STK31: variants seen among roughly 807,000 people sequenced by gnomAD.
STK31 encodes serine/threonine kinase 31.
STK31 carries 89 observed loss-of-function variants against 129.7 expected under a neutral mutation model. That is an observed-to-expected ratio of 0.69 (90% CI 0.58 to 0.82). The LOEUF (loss-of-function observed/expected upper bound fraction) is 0.82. STK31 is among the 40% of genes least tolerant of loss of function. The pLI is 0.00. For missense variants in STK31, 1,187 were observed against 1,176.4 expected (o/e 1.01, Z -0.13); for synonymous variants, 448 against 395.3 (o/e 1.13, Z -1.58).
intron 20 of STK31, among the ~76,000 whole-genome samples, chr7:23,787,513 A>G (rs1321499165): frequency 3.3e-5 from 5 of 152,092 alleles, no homozygotes; most frequent in Admixed American, 6.5e-5. Flanking sequence ...AGCAAGCATT[A>G]CTGCCTGAGC....
chr7:23,714,687 G>A, intron 3 of STK31, among the ~76,000 whole-genome samples: 1 of 152,108 alleles, frequency 6.6e-6, no homozygotes, highest in East Asian at 1.9e-4. Flanking sequence ...GTGGGTATTG[G>A]CTATTGTATT....
At chr7:23,721,574 G>A (rs1016386544) in intron 4 of STK31, 23 of 924,764 alleles carry the variant, frequency 2.5e-5, no homozygotes, top group African/African-American at 9.8e-5. Flanking sequence ...AGCCCTTTGC[G>A]GAATCCCCTT....
At chr7:23,712,878 G>A (rs75435335) in intron 3 of STK31, among the ~76,000 whole-genome samples, 3,049 of 152,170 alleles carry the variant, frequency 0.02, 35 homozygotes, top group Non-Finnish European at 0.031. Flanking sequence ...CTAATTTTTG[G>A]TTTTGTAAAC....
At chr7:23,710,164 G>T, upstream of STK31, 1 of 1,558,704 alleles carries the variant, frequency 6.4e-7, no homozygotes, top group Non-Finnish European at 8.7e-7. Flanking sequence ...CGTGACTCCC[G>T]CTAACACCGG....
intron 22 of STK31, among the ~76,000 whole-genome samples, chr7:23,808,256 A>G (rs911224549): frequency 2.0e-5 from 3 of 151,630 alleles, no homozygotes; most frequent in Admixed American, 1.3e-4. Flanking sequence ...CTCTGCTGAC[A>G]TCACCCCAGC....
At chr7:23,731,153 G>A (rs2128076355) in intron 6 of STK31, among the ~76,000 whole-genome samples, 1 of 151,856 alleles carries the variant, frequency 6.6e-6, no homozygotes. Flanking sequence ...CAAAGTGCTG[G>A]GATTACAGGC....
At chr7:23,751,399 A>T (rs1788698859) in intron 8 of STK31, among the ~76,000 whole-genome samples, 1 of 152,126 alleles carries the variant, frequency 6.6e-6, no homozygotes, top group Non-Finnish European at 1.5e-5. Context: ...CTGATTTCTA[A>T]TTTAATTTTA....
At chr7:23,812,534 CTAGATT>C (rs1793206527) in intron 22 of STK31, among the ~76,000 whole-genome samples, 1 of 147,520 alleles carries the variant, frequency 6.8e-6, no homozygotes, top group Non-Finnish European at 1.5e-5. Context: ...TTAAATTTCT[CTAGATT>C]TAGGGAGAAC....
At chr7:23,830,011 G>A (rs1403118731) in intron 23 of STK31, among the ~76,000 whole-genome samples, 2 of 152,058 alleles carry the variant, frequency 1.3e-5, no homozygotes, top group African/African-American at 4.8e-5. Context: ...GTACAGTGGT[G>A]CAATCTTGGC....
At chr7:23,781,649 G>A in intron 16 of STK31, 129 bp downstream of exon 16, 1 of 553,402 alleles carries the variant, frequency 1.8e-6, no homozygotes, top group Non-Finnish European at 3.1e-6. Context: ...TATATATATT[G>A]ACCTGGTAAG....
At chr7:23,768,720 A>G (rs960423881) in intron 11 of STK31, among the ~76,000 whole-genome samples, 2 of 152,236 alleles carry the variant, frequency 1.3e-5, no homozygotes, top group African/African-American at 4.8e-5. Context: ...GTTAGGGAAA[A>G]CAGGGTAATG....
intron 23 of STK31, among the ~76,000 whole-genome samples, chr7:23,819,777 G>GAC (rs1793691493): frequency 6.6e-5 from 3 of 45,782 alleles, no homozygotes; most frequent in African/African-American, 3.5e-4. Context: ...ATACTAAGGT[G>GAC]TCAAATAATG....
At chr7:23,733,560 G>C (rs1394111390) in intron 6 of STK31, among the ~76,000 whole-genome samples, 5 of 152,136 alleles carry the variant, frequency 3.3e-5, no homozygotes, top group Admixed American at 6.5e-5. Flanking sequence ...TGTAATCCCA[G>C]CTCTTTGGGA....
At chr7:23,825,993 T>A (rs138879057) in intron 23 of STK31, among the ~76,000 whole-genome samples, 22,787 of 152,188 alleles carry the variant, frequency 0.15, 1,805 homozygotes, top group East Asian at 0.22. Context: ...TCTTTTACAT[T>A]TGCTGAGGAG....
chr7:23,710,808 G>A, intron 1 of STK31: 1 of 1,010,672 alleles, frequency 9.9e-7, no homozygotes, highest in Non-Finnish European at 1.2e-6. Flanking sequence ...AACTACTCTA[G>A]AAGTAGCTTC....
chr7:23,727,556 C>CTTTTTTTTTTTTTTTTTTTTTTT (rs58066410), intron 5 of STK31: 1 of 125,358 alleles, frequency 8.0e-6, no homozygotes, highest in Non-Finnish European at 1.3e-5. Flanking sequence ...TACCTCAGTT[C>CTTTTTTTTTTTTTTTTTTTTTTT]TTTTTTTTTT....
At chr7:23,788,423 G>A (rs1791425019) in intron 21 of STK31, among the ~76,000 whole-genome samples, 1 of 152,124 alleles carries the variant, frequency 6.6e-6, no homozygotes, top group Non-Finnish European at 1.5e-5. Context: ...AACATGTAAG[G>A]AAACTAGGTG....
At chr7:23,768,856 A>G in intron 11 of STK31, 139 bp from the exon 12 acceptor site, 1 of 677,040 alleles carries the variant, frequency 1.5e-6, no homozygotes, top group Non-Finnish European at 2.2e-6. Flanking sequence ...TCTCTATCTG[A>G]TGATTCTAAG....
At chr7:23,792,674 A>T (rs1238396845) in intron 22 of STK31, among the ~76,000 whole-genome samples, 1 of 152,216 alleles carries the variant, frequency 6.6e-6, no homozygotes, top group Non-Finnish European at 1.5e-5. Flanking sequence ...GAAAAAGAAC[A>T]AAATTGAAGG....
Sources: gnomAD v4.1 joint callset for allele counts (sites outside exome capture counted in the v4.1 genomes callset) on GRCh38, gnomAD v4.1.1 for gene constraint, MANE v1.5 for transcripts, NCBI Gene and HGNC (gene_info 2026-07-23, HGNC 2026-07-21) for gene names.